Variants in EIF3L observed in about 807,000 individuals in gnomAD.
EIF3L encodes eukaryotic translation initiation factor 3 subunit L.
EIF3L carries 32 observed loss-of-function variants against 74.6 expected under a neutral mutation model. The observed-to-expected ratio is 0.43, with a 90% CI of 0.32 to 0.58. The LOEUF (loss-of-function observed/expected upper bound fraction) is 0.58, where lower values mean the gene tolerates loss of function less well. EIF3L is among the 20% of genes least tolerant of loss of function. The probability of loss-of-function intolerance (pLI) is 0.06; values close to 1 mark genes in which losing one functional copy is unlikely to be tolerated. For synonymous variants in EIF3L, 256 were observed against 254.4 expected, an observed-to-expected ratio of 1.01 and a Z score of -0.06; for missense variants, 474 against 707.8, an observed-to-expected ratio of 0.67 and a Z score of 3.75.
At chr22:37,878,202 T>C in intron 11 of EIF3L, 31 bp downstream of exon 11, 1 of 1,557,384 alleles carries the variant, frequency 6.4e-7, no homozygotes, top group Non-Finnish European at 8.7e-7. Flanking sequence ...TGGGGTCTTG[T>C]ATTAAGTGTT....
intron 12 of EIF3L, chr22:37,887,477 A>T (rs1927384634): frequency 6.6e-6 from 1 of 152,202 alleles, no homozygotes; most frequent in Non-Finnish European, 1.5e-5. Context: ...GCGCACCTGT[A>T]ATCCCATCTA....
At chr22:37,850,488 C>T in intron 2 of EIF3L, 1 of 221,776 alleles carries the variant, frequency 4.5e-6, no homozygotes, top group Non-Finnish European at 9.5e-6. Flanking sequence ...AGGCGCCCAC[C>T]ACCATTCCCA....
Position 37,862,951 on chromosome 22 carries a change from C to A in EIF3L, c.436-18C>A, listed in dbSNP as rs757387240. 1.3e-6 allele frequency: 2 copies of A among 1,585,238 alleles called. No individual in the cohort carries two copies. Among genetic ancestry groups the A allele is most frequent in the Non-Finnish European group, 1.7e-6 (2 of 1,159,530 alleles). ...AAATTAAATATCTGTATCTTGATAT[C>A]TCTTGTTTTCTTTACAGGGGGGACC... On this transcript the variant is annotated intron_variant, in intron 5 of 12. Transcript: ENST00000652021.
Position 37,888,608 on chromosome 22 carries a change from C to G in EIF3L, c.*144C>G. On this transcript the variant is annotated 3_prime_UTR_variant, in exon 13 of 13. Coordinates refer to ENST00000652021, the MANE Select transcript of EIF3L (RefSeq NM_016091.4). ...GGACCGAAGTGTTTCAAGTGGATCT[C>G]AGTAAAGGATCTTTGGAGCCAGATT... The G allele has an allele frequency of 1.2e-6, 1 of 802,084 alleles. No individual in the cohort carries two copies. The highest frequency in any genetic ancestry group is 2.0e-6 in the Non-Finnish European group (1 of 489,138). 49.7% of individuals were successfully genotyped at this position (802,084 alleles called of 1,614,324 possible).
intron 5 of EIF3L, among the ~76,000 whole-genome samples, chr22:37,860,899 C>A (rs1430915612): frequency 1.3e-5 from 2 of 152,188 alleles, no homozygotes; most frequent in Non-Finnish European, 2.9e-5. Flanking sequence ...CTTACTAATT[C>A]CAGGTTTTAG....
chr22:37,886,670 C>T (rs1321903476), intron 11 of EIF3L, 95 bp from the exon 12 acceptor site: 4 of 987,358 alleles, frequency 4.1e-6, no homozygotes, highest in African/African-American at 3.2e-5. Flanking sequence ...TAACACTCAC[C>T]ATCATTATCA....
At chr22:37,863,195 T>G (rs1286602428) in intron 6 of EIF3L, 77 bp from the exon 7 acceptor site, 1 of 1,350,712 alleles carries the variant, frequency 7.4e-7, no homozygotes, top group Non-Finnish European at 1.0e-6. Context: ...AAGAGAGAAA[T>G]TACAAAGCAT....
chr22:37,872,108 A>T lies in EIF3L; in HGVS notation c.751+1761A>T, dbSNP rs144875971. On this transcript the variant is annotated intron_variant, in intron 8 of 12. Transcript: ENST00000652021. ...CTTCTGTAATTTGAATGAGTTCCTT[A>T]CATCCATGTGTGACTTTTTTTTTTT... Among the ~76,000 whole-genome samples the T allele has an allele frequency of 4.0e-3, 610 of 151,528 alleles. 2 individuals carry two copies. Among genetic ancestry groups the T allele is most frequent in the African/African-American group, 0.014 (582 of 41,314 alleles).
Position 37,858,695 on chromosome 22 carries a change from T to A in EIF3L, c.390T>A (p.Ile130=), listed in dbSNP as rs1569112694. 6.2e-7 allele frequency: 1 copy of A among 1,611,404 alleles called. No homozygotes were observed. The highest frequency in any genetic ancestry group is 8.5e-7 in the Non-Finnish European group (1 of 1,179,272). ...CTCTTTCAGATGCTGTCTTCCTGAT[T>A]TTATACAAAGAATTATACTACAGGC... ...PQVGNDAVFL[I]LYKELYYRHI... is the part of the protein sequence containing the mutation. The change falls in exon 5 of 13, where the codon ATT becomes ATA. Residue 130 remains isoleucine (I), a synonymous_variant. Transcript: ENST00000652021.
chr22:37,868,686 A>C (rs13055439), intron 7 of EIF3L, among the ~76,000 whole-genome samples: 1 of 93,626 alleles, frequency 1.1e-5, no homozygotes, highest in African/African-American at 4.2e-5. Flanking sequence ...CTTGTTGCCC[A>C]GGCTGGAGTG....
At chr22:37,878,330 T>A in intron 11 of EIF3L, 159 bp downstream of exon 11, 1 of 898,224 alleles carries the variant, frequency 1.1e-6, no homozygotes, top group Non-Finnish European at 1.6e-6. Flanking sequence ...GTAATACTAG[T>A]ACTTTAGGGG....
intron 10 of EIF3L, 102 bp from the exon 11 acceptor site, chr22:37,877,572 T>G (rs1601778405): frequency 1.5e-6 from 2 of 1,378,208 alleles, no homozygotes. Flanking sequence ...AACAACTGGG[T>G]AAGTCAAAGA....
intron 9 of EIF3L, 71 bp downstream of exon 9, chr22:37,874,595 C>G (rs1046746362): frequency 2.7e-6 from 4 of 1,501,930 alleles, no homozygotes; most frequent in Middle Eastern, 1.8e-4. Context: ...ACTCTGATCT[C>G]TTAGGACAAA....
chr22:37,859,374 C>CTTTTTTTTT (rs34020382), intron 5 of EIF3L, among the ~76,000 whole-genome samples: 10,052 of 78,852 alleles, frequency 0.13, 2,070 homozygotes, highest in African/African-American at 0.2. Flanking sequence ...CGTGAAGTTT[C>CTTTTTTTTT]TTTTTTTTTT....
chr22:37,877,436 C>A (rs936651732), intron 10 of EIF3L: 48 of 520,230 alleles, frequency 9.2e-5, no homozygotes, highest in Non-Finnish European at 1.4e-4. Context: ...ACTGGAGAGA[C>A]TAAGACAGAG....
chr22:37,874,895 A>AT (rs35994639), intron 9 of EIF3L, among the ~76,000 whole-genome samples: 29,746 of 113,740 alleles, frequency 0.26, 4,561 homozygotes, highest in Non-Finnish European at 0.35. Flanking sequence ...TGCCCAGCTA[A>AT]TTTTTTTTTT....
At chr22:37,871,810 A>G (rs1349337558) in intron 8 of EIF3L, among the ~76,000 whole-genome samples, 4 of 149,692 alleles carry the variant, frequency 2.7e-5, no homozygotes, top group Admixed American at 6.8e-5. Flanking sequence ...CAGAGGTTGC[A>G]GTGAGCCGAG....
intron 3 of EIF3L, among the ~76,000 whole-genome samples, chr22:37,852,047 A>G (rs544304123): frequency 1.3e-5 from 2 of 151,814 alleles, no homozygotes; most frequent in Non-Finnish European, 2.9e-5. Flanking sequence ...CAAGTGATGT[A>G]CCCCCGTTGG....
At chr22:37,884,699 G>GAGA (rs915382203) in intron 11 of EIF3L, 106 of 152,224 alleles carry the variant, frequency 7.0e-4, no homozygotes, top group African/African-American at 2.4e-3. Flanking sequence ...AGCTATGGGA[G>GAGA]AGAGTCCCTT....
Sources: allele counts gnomAD v4.1 joint callset (sites outside exome capture counted in the v4.1 genomes callset), GRCh38; gene constraint gnomAD v4.1.1; transcripts MANE v1.5; gene names NCBI Gene and HGNC (gene_info 2026-07-23, HGNC 2026-07-21).